CHKA: variants seen among roughly 807,000 people sequenced by gnomAD.
The protein encoded by CHKA is CHETK-alpha.
In CHKA, 34 loss-of-function variants were observed where a neutral mutation model predicts 60.1. That is an observed-to-expected ratio of 0.57 (90% confidence interval 0.43 to 0.75). CHKA has a LOEUF of 0.75. Ranked by LOEUF, CHKA falls within the 30% of genes least tolerant of loss-of-function variation. CHKA has a pLI of 0.00. For missense variants in CHKA, 563 were observed against 561.3 expected (o/e 1.00, Z -0.03); for synonymous variants, 217 against 223.1 (o/e 0.97, Z 0.24).
chr11:68,085,258 C>T (rs145796800), intron 2 of CHKA, among the ~76,000 whole-genome samples: 1 of 152,174 alleles, frequency 6.6e-6, no homozygotes, highest in African/African-American at 2.4e-5. Flanking sequence ...GGGTCTCGCT[C>T]TGTCTCTCAG....
Position 68,053,872 on chromosome 11 carries a change from T to A in CHKA, c.*116A>T. 1 of 744,294 alleles carries A rather than the reference T, an allele frequency of 1.3e-6. No homozygotes were observed. The highest frequency in any genetic ancestry group is 2.4e-6 in the Non-Finnish European group (1 of 424,148). The allele number at this position is 744,294 out of a possible 1,614,324, so 46.1% of individuals were successfully genotyped here. ...TTTAGTATCATACACATGTGTTCAG[T>A]AGTGAGCCACCCAAAGCCTCCTGCC... On this transcript the variant is annotated 3_prime_UTR_variant, in exon 12 of 12. Coordinates refer to ENST00000265689, the MANE Select transcript of CHKA (RefSeq NM_001277.3).
chr11:68,070,045 T>C, intron 6 of CHKA, 144 bp downstream of exon 6: 1 of 682,090 alleles, frequency 1.5e-6, no homozygotes, highest in East Asian at 2.7e-5. Flanking sequence ...GAACCATAAT[T>C]CCAGATGACA....
At position 68,120,968 on chromosome 11, in the gene CHKA, G is replaced by GGGCAGC. The variant is rs745705209; in HGVS notation, c.204_209dup (p.Leu69_Pro70dup). 3,541 of 1,127,958 alleles carry GGGCAGC rather than the reference G, an allele frequency of 3.1e-3. 8 individuals are homozygous for GGGCAGC. Among genetic ancestry groups the GGGCAGC allele is most frequent in the Non-Finnish European group, 3.4e-3 (3,126 of 919,124 alleles). 69.9% of individuals were successfully genotyped at this position (1,127,958 alleles called of 1,614,324 possible). On this transcript the variant is annotated inframe_insertion, in exon 1 of 12. Transcript: ENST00000265689. ...CGGGCGGCTGCGGCGGCGGGGGCTGGGGCAGCGGCAGCGGCAGCGGCAGCG... is the reference window on the plus strand; with the variant it reads ...CGGGCGGCTGCGGCGGCGGGGGCTGGGGCAGCGGCAGCGGCAGCGGCAGCGGCAGCG...
chr11:68,074,662 A>C, intron 4 of CHKA, 55 bp downstream of exon 4: 3 of 1,480,164 alleles, frequency 2.0e-6, no homozygotes, highest in Middle Eastern at 1.7e-4. Context: ...TGAGACAAAG[A>C]AGCCATCTTC....
intron 11 of CHKA, among the ~76,000 whole-genome samples, chr11:68,061,034 T>C (rs1174045717): frequency 1.6e-4 from 24 of 151,190 alleles, no homozygotes; most frequent in Non-Finnish European, 1.5e-5. Context: ...TCATTCACTA[T>C]GGAACAACAG....
chr11:68,105,393 T>G (rs1281664599), intron 1 of CHKA, among the ~76,000 whole-genome samples: 1 of 151,048 alleles, frequency 6.6e-6, no homozygotes, highest in Non-Finnish European at 1.5e-5. Context: ...CAGACACCTA[T>G]AGTCCCAACT....
At chr11:68,064,340 G>T (rs568789051) in intron 10 of CHKA, among the ~76,000 whole-genome samples, 185 bp downstream of exon 10, 5 of 151,988 alleles carry the variant, frequency 3.3e-5, no homozygotes, top group Non-Finnish European at 7.4e-5. Context: ...CCCGGGAGGC[G>T]GAGGTTGCAG....
intron 2 of CHKA, among the ~76,000 whole-genome samples, chr11:68,087,023 C>G (rs1231948121): frequency 2.0e-5 from 3 of 151,928 alleles, no homozygotes; most frequent in Non-Finnish European, 4.4e-5. Flanking sequence ...CTTTAACACC[C>G]AAAACATTTA....
chr11:68,102,090 ACT>A (rs1279278622), intron 1 of CHKA, among the ~76,000 whole-genome samples: 1 of 146,316 alleles, frequency 6.8e-6, no homozygotes. Flanking sequence ...ACAGAGCAAG[ACT>A]CTGTCTCAAA....
intron 11 of CHKA, among the ~76,000 whole-genome samples, chr11:68,060,555 A>G (rs968395008): frequency 7.4e-5 from 11 of 148,820 alleles, no homozygotes; most frequent in Admixed American, 6.7e-5. Flanking sequence ...AAGTGATCCA[A>G]CCACCTCGGC....
intron 3 of CHKA, 83 bp downstream of exon 3, chr11:68,081,321 G>C: frequency 9.3e-7 from 1 of 1,078,114 alleles, no homozygotes; most frequent in South Asian, 1.3e-5. Context: ...GTAGATAAGA[G>C]GCACTGCCAA....
At chr11:68,065,933 A>G in intron 8 of CHKA, 39 bp from the exon 9 acceptor site, 1 of 1,424,268 alleles carries the variant, frequency 7.0e-7, no homozygotes, top group East Asian at 2.3e-5. Context: ...AATGAGGCAA[A>G]CCGTATGCCT....
At chr11:68,105,514 C>CAAAAAAAAAAAAAAAAAAAAA (rs1170085830) in intron 1 of CHKA, among the ~76,000 whole-genome samples, 3 of 64,952 alleles carry the variant, frequency 4.6e-5, no homozygotes, top group Non-Finnish European at 8.3e-5. Flanking sequence ...GACTCCATCT[C>CAAAAAAAAAAAAAAAAAAAAA]AAAAAAAAAA....
In CHKA at chr11:68,118,784, A is replaced by T. The variant is rs146756019; in HGVS notation, c.350+2044T>A. Among the ~76,000 whole-genome samples the T allele has an allele frequency of 5.1e-3, 780 of 152,370 alleles. 6 individuals are homozygous for T. Among genetic ancestry groups the T allele is most frequent in the Non-Finnish European group, 7.2e-3 (488 of 68,020 alleles). ...TTTCCAAGACTGCTAACTCCTGGAG[A>T]AAAGAAACAAGACATCCTCAATGCT... is the stretch of plus-strand genomic sequence containing the variant. On this transcript the variant is annotated intron_variant, in intron 1 of 11. Transcript: ENST00000265689.
intron 9 of CHKA, among the ~76,000 whole-genome samples, chr11:68,065,231 CA>C (rs1245778153): frequency 1.3e-5 from 2 of 151,934 alleles, no homozygotes; most frequent in Non-Finnish European, 2.9e-5. Context: ...CTGGGCTTTT[CA>C]AAAAAATACT....
At position 68,072,055 on chromosome 11, in the gene CHKA, C is replaced by T. The variant is rs551784266; in HGVS notation, c.631-1198G>A. Among the ~76,000 whole-genome samples the T allele has an allele frequency of 2.0e-5, 3 of 152,320 alleles. No individual in the cohort carries two copies. The South Asian group carries it at 6.2e-4, about 32-fold the overall frequency. ...GTAGCTCACTCAGCTTTCAAAACTG[C>T]CATTAATTTGGCAACAAGGAAAATC... On this transcript the variant is annotated intron_variant, in intron 4 of 11. Transcript: ENST00000265689.
chr11:68,110,559 T>C (rs1187261251), intron 1 of CHKA, among the ~76,000 whole-genome samples: 1 of 152,204 alleles, frequency 6.6e-6, no homozygotes, highest in African/African-American at 2.4e-5. Flanking sequence ...TATTTTGTTA[T>C]GTCACTCAAT....
chr11:68,091,097 G>A (rs1857335041), intron 2 of CHKA, among the ~76,000 whole-genome samples: 1 of 152,114 alleles, frequency 6.6e-6, no homozygotes, highest in African/African-American at 2.4e-5. Context: ...TTCCTTCCCA[G>A]TATCAGAAAG....
intron 11 of CHKA, among the ~76,000 whole-genome samples, chr11:68,055,517 A>G (rs999149171): frequency 6.6e-6 from 1 of 152,182 alleles, no homozygotes; most frequent in Non-Finnish European, 1.5e-5. Flanking sequence ...CCATCTTCAC[A>G]CTGGCTGTCG....
Sources: gnomAD v4.1 joint callset for allele counts (sites outside exome capture counted in the v4.1 genomes callset) on GRCh38, gnomAD v4.1.1 for gene constraint, MANE v1.5 for transcripts, NCBI Gene and HGNC (gene_info 2026-07-23, HGNC 2026-07-21) for gene names.